TRIM63: variants seen among roughly 807,000 people sequenced by gnomAD.
The protein encoded by TRIM63 is E3 ubiquitin-protein ligase TRIM63.
A neutral mutation model predicts 46.0 loss-of-function variants in TRIM63; 48 were observed. That is an observed-to-expected ratio of 1.04 (90% CI 0.83 to 1.33). The LOEUF (loss-of-function observed/expected upper bound fraction) is 1.33. Among genes scored for constraint, TRIM63 ranks in the 40% most tolerant of loss-of-function variants. TRIM63 has a pLI of 0.00. For synonymous variants in TRIM63, 175 were observed against 162.8 expected (o/e 1.08, Z -0.57); for missense variants, 455 against 441.2 (o/e 1.03, Z -0.28).
intron 6 of TRIM63, 58 bp from the exon 7 acceptor site, chr1:26,057,385 G>A (rs2050583025): frequency 6.3e-7 from 1 of 1,592,732 alleles, no homozygotes; most frequent in Non-Finnish European, 8.5e-7. Flanking sequence ...GTGCAGGGAA[G>A]AGAGGGCACA....
intron 2 of TRIM63, among the ~76,000 whole-genome samples, chr1:26,065,207 AG>A (rs1486893589): frequency 3.3e-5 from 5 of 152,090 alleles, no homozygotes; most frequent in Non-Finnish European, 7.4e-5. Flanking sequence ...TATTTTTAGT[AG>A]AGACGGGGTT....
chr1:26,053,586 A>C (rs2050541480), intron 8 of TRIM63, among the ~76,000 whole-genome samples: 1 of 152,330 alleles, frequency 6.6e-6, no homozygotes, highest in African/African-American at 2.4e-5. Context: ...CAAACAAAAC[A>C]CCTCAATGGG....
At position 26,060,426 on chromosome 1, in the gene TRIM63, G is replaced by C. The variant is rs947044627; in HGVS notation, c.502-65C>G. On this transcript the variant is annotated intron_variant, in intron 3 of 8. Coordinates refer to ENST00000374272, the MANE Select transcript of TRIM63 (RefSeq NM_032588.4). ...ATAGCCTCAGGGCCTACCCACTGGG[G>C]CATGGCAGCAACATGGCTTCCTCCC... is the stretch of plus-strand genomic sequence containing the variant. 1.4e-5 allele frequency: 18 copies of C among 1,262,410 alleles called. No individual in the cohort carries two copies. The African/African-American group carries it at 2.3e-4, about 16-fold the overall frequency. The allele number at this position is 1,262,410 out of a possible 1,614,324, so 78.2% of individuals were successfully genotyped here. A position where few individuals can be genotyped will look rare whatever the true frequency, so the allele number is the denominator to read the frequency against.
intron 2 of TRIM63, among the ~76,000 whole-genome samples, chr1:26,063,767 A>T (rs2050648418): frequency 6.6e-6 from 1 of 152,238 alleles, no homozygotes; most frequent in Admixed American, 6.5e-5. Flanking sequence ...TCTATAATGA[A>T]TGTAGAGTGC....
In TRIM63 at chr1:26,066,436, G is replaced by T; in HGVS notation, c.164C>A (p.Ala55Glu). The change falls in exon 2 of 9, where the codon GCA becomes GAA. Residue 55 changes from alanine (A) to glutamate (E), a missense_variant. Transcript: ENST00000374272. ...RKCANDIFQA[A>E]NPYWTSRGSS... Reference sequence around the variant, plus strand: ...GCCCCGGCTGGTCCAGTAGGGATTTGCAGCCTGCAGGTGGCAAAGGTCAAG... The same window carrying T: ...GCCCCGGCTGGTCCAGTAGGGATTTTCAGCCTGCAGGTGGCAAAGGTCAAG... The T allele has an allele frequency of 1.3e-6, 2 of 1,577,074 alleles. No individual in the cohort carries two copies. Among genetic ancestry groups the T allele is most frequent in the Non-Finnish European group, 1.7e-6 (2 of 1,159,260 alleles).
chr1:26,062,761 G>A (rs538690776), intron 2 of TRIM63, among the ~76,000 whole-genome samples: 1 of 152,200 alleles, frequency 6.6e-6, no homozygotes, highest in South Asian at 2.1e-4. Flanking sequence ...TGGGGCCTGG[G>A]GGGGATTTTT....
chr1:26,060,219 C>T lies in TRIM63; in HGVS notation c.597+47G>A, dbSNP rs780876630. 8 of 1,555,434 alleles carry T rather than the reference C, an allele frequency of 5.1e-6. No individual in the cohort carries two copies. The East Asian group carries it at 9.0e-5, about 17-fold the overall frequency. On this transcript the variant is annotated intron_variant, in intron 4 of 8. Coordinates refer to ENST00000374272, the MANE Select transcript of TRIM63 (RefSeq NM_032588.4). ...TGAGCCTTCCCCAGAGACCAGGCTG[C>T]CCTGGAAAGCTCCAAATCCCCAGGC...
chr1:26,067,049 C>G (rs528700943), intron 1 of TRIM63, among the ~76,000 whole-genome samples: 2 of 152,260 alleles, frequency 1.3e-5, no homozygotes, highest in South Asian at 4.2e-4. Flanking sequence ...CCCCGCTTAT[C>G]ACTTGAGGCA....
chr1:26,058,567 G>T lies in TRIM63; in HGVS notation c.654C>A (p.Ala218=). The T allele has an allele frequency of 6.2e-7, 1 of 1,614,154 alleles. No homozygotes were observed. Among genetic ancestry groups the T allele is most frequent in the Non-Finnish European group, 8.5e-7 (1 of 1,180,022 alleles). ...ACTCACTTTTCTTCTCATCCAGGAT[G>T]GCATACAACGTGTCAAACTTCTGGC... ...ELSQKFDTLY[A]ILDEKKSELL... The change falls in exon 5 of 9, where the codon GCC becomes GCA. Residue 218 remains alanine, a synonymous_variant. Transcript: ENST00000374272.
intron 2 of TRIM63, 53 bp from the exon 3 acceptor site, chr1:26,061,387 C>T: frequency 1.3e-6 from 2 of 1,582,924 alleles, no homozygotes; most frequent in Non-Finnish European, 1.7e-6. Context: ...CTGCATCCCC[C>T]TCCCCAGCTC....
chr1:26,066,548 C>T (rs1157235187), intron 1 of TRIM63, 108 bp from the exon 2 acceptor site: 2 of 1,034,594 alleles, frequency 1.9e-6, no homozygotes, highest in Non-Finnish European at 1.3e-6. Flanking sequence ...CCCCGTCAAA[C>T]CTAACAACCT....
intron 8 of TRIM63, 107 bp from the exon 9 acceptor site, chr1:26,051,990 C>T: frequency 1.0e-6 from 1 of 962,720 alleles, no homozygotes; most frequent in South Asian, 4.7e-5. Flanking sequence ...AATAAAACAT[C>T]AAACTCCAAT....
intron 4 of TRIM63, 78 bp from the exon 5 acceptor site, chr1:26,058,701 G>T: frequency 8.7e-7 from 1 of 1,151,420 alleles, no homozygotes; most frequent in Non-Finnish European, 1.3e-6. Context: ...TAGGACAGTA[G>T]CAAGGAATCT....
At chr1:26,061,398 C>T in intron 2 of TRIM63, 64 bp from the exon 3 acceptor site, 2 of 1,560,990 alleles carry the variant, frequency 1.3e-6, no homozygotes, top group Non-Finnish European at 1.7e-6. Flanking sequence ...TCCCCAGCTC[C>T]AATGCACCAG....
At chr1:26,052,590 C>T (rs1315382097) in intron 8 of TRIM63, among the ~76,000 whole-genome samples, 1 of 152,156 alleles carries the variant, frequency 6.6e-6, no homozygotes, top group Non-Finnish European at 1.5e-5. Flanking sequence ...CCTCAGCCTC[C>T]CAAGTAGCTG....
intron 3 of TRIM63, among the ~76,000 whole-genome samples, chr1:26,060,953 G>A (rs2050618510): frequency 2.0e-5 from 3 of 152,196 alleles, no homozygotes; most frequent in Admixed American, 6.5e-5. Flanking sequence ...GCCACACCCA[G>A]GTGCTCTCGA....
At chr1:26,065,086 C>T (rs771001942) in intron 2 of TRIM63, among the ~76,000 whole-genome samples, 2 of 152,038 alleles carry the variant, frequency 1.3e-5, no homozygotes, top group South Asian at 2.1e-4. Flanking sequence ...TGCAGTGGCA[C>T]GATCTCTGCT....
At chr1:26,057,840 T>A (rs568625474) in intron 5 of TRIM63, among the ~76,000 whole-genome samples, 190 bp from the exon 6 acceptor site, 5 of 152,294 alleles carry the variant, frequency 3.3e-5, no homozygotes, top group Middle Eastern at 3.4e-3. Context: ...GTACAGGTCT[T>A]GGTCATCACC....
chr1:26,062,928 G>C (rs1456093548), intron 2 of TRIM63, among the ~76,000 whole-genome samples: 1 of 152,014 alleles, frequency 6.6e-6, no homozygotes, highest in Non-Finnish European at 1.5e-5. Context: ...GCTAATTTTT[G>C]TATTTTTTAG....
Sources: gnomAD v4.1 joint callset for allele counts (sites outside exome capture counted in the v4.1 genomes callset) on GRCh38, gnomAD v4.1.1 for gene constraint, MANE v1.5 for transcripts, NCBI Gene and HGNC (gene_info 2026-07-23, HGNC 2026-07-21) for gene names.